ELMO1: variants seen among roughly 807,000 people sequenced by gnomAD.
The protein encoded by ELMO1 is engulfment and cell motility 1, also known as engulfment and cell motility protein 1.
ELMO1 carries 26 observed loss-of-function variants against 98.9 expected under a neutral mutation model. The ratio of observed to expected loss-of-function variants is 0.26; its 90% CI spans 0.19 to 0.36. ELMO1 has a LOEUF of 0.36. Ranked by LOEUF, ELMO1 falls within the 10% of genes least tolerant of loss-of-function variation. The pLI is 1.00. For missense variants in ELMO1, 627 were observed against 935.2 expected (o/e 0.67, Z 4.30); for synonymous variants, 346 against 346.0 (o/e 1.00, Z 0.00).
intron 15 of ELMO1, among the ~76,000 whole-genome samples, chr7:37,022,341 A>C (rs1034770319): frequency 5.3e-5 from 8 of 152,238 alleles, no homozygotes; most frequent in Non-Finnish European, 1.0e-4. Flanking sequence ...TCTAATAAAG[A>C]ACTGGTATCT....
intron 16 of ELMO1, among the ~76,000 whole-genome samples, chr7:36,913,247 C>T (rs1378138930): frequency 6.6e-6 from 1 of 152,152 alleles, no homozygotes; most frequent in Non-Finnish European, 1.5e-5. Context: ...TACTAAATAA[C>T]AGAAAACTTT....
chr7:37,443,189 T>A (rs963773903), intron 1 of ELMO1, among the ~76,000 whole-genome samples: 15 of 152,288 alleles, frequency 9.8e-5, no homozygotes, highest in Non-Finnish European at 1.9e-4. Context: ...CCATTCCCTA[T>A]CCAGAGTACA....
At chr7:37,383,711 C>T (rs1466840871) in intron 1 of ELMO1, among the ~76,000 whole-genome samples, 1 of 152,048 alleles carries the variant, frequency 6.6e-6, no homozygotes, top group Non-Finnish European at 1.5e-5. Flanking sequence ...CTTTTAATGT[C>T]GTAACTATGT....
At chr7:37,216,283 T>C (rs867104092) in intron 11 of ELMO1, among the ~76,000 whole-genome samples, 66 of 152,206 alleles carry the variant, frequency 4.3e-4, no homozygotes, top group Middle Eastern at 6.8e-3. Flanking sequence ...CCTGATATGT[T>C]TACAGCTAGC....
intron 17 of ELMO1, among the ~76,000 whole-genome samples, chr7:36,890,721 T>G (rs1054689665): frequency 1.3e-5 from 2 of 152,190 alleles, no homozygotes; most frequent in Non-Finnish European, 2.9e-5. Flanking sequence ...TCCAAAAACT[T>G]GCTTTCTTAG....
intron 2 of ELMO1, among the ~76,000 whole-genome samples, chr7:37,319,351 T>C (rs1235865828): frequency 6.6e-6 from 1 of 152,202 alleles, no homozygotes; most frequent in Admixed American, 6.5e-5. Flanking sequence ...ACTCTTCAGA[T>C]ATAAGGTGCT....
At chr7:37,014,629 C>T (rs904964402) in intron 15 of ELMO1, among the ~76,000 whole-genome samples, 1 of 152,040 alleles carries the variant, frequency 6.6e-6, no homozygotes, top group African/African-American at 2.4e-5. Flanking sequence ...CCCCCAGTCC[C>T]CCCACTCCCC....
intron 16 of ELMO1, among the ~76,000 whole-genome samples, chr7:36,952,827 G>A (rs959583407): frequency 6.6e-6 from 1 of 152,116 alleles, no homozygotes; most frequent in South Asian, 2.1e-4. Context: ...GAGGAAGAGA[G>A]CAGTATCATC....
rs1441454349 is a variant in ELMO1, at chr7:36,870,947, G to A, written c.1823-472C>T. Among the ~76,000 whole-genome samples the A allele has an allele frequency of 6.6e-6, 1 of 152,182 alleles. No individual in the cohort carries two copies. Among genetic ancestry groups the A allele is most frequent in the Non-Finnish European group, 1.5e-5 (1 of 68,038 alleles). ...TTAGTTTCTGAGTTTTTGGATGAGA[G>A]AAAGCAGCCCTATCTCAAAAAATTT... On this transcript the variant is annotated intron_variant, in intron 19 of 21. Coordinates refer to ENST00000310758, the MANE Select transcript of ELMO1 (RefSeq NM_014800.11). This position sits in a 1 kb window ranked among gnomAD's most constrained non-coding sequence, Gnocchi z 4.4.
chr7:37,075,922 G>A (rs985466493), intron 15 of ELMO1, among the ~76,000 whole-genome samples: 18 of 152,196 alleles, frequency 1.2e-4, no homozygotes, highest in African/African-American at 4.3e-4. Flanking sequence ...AACAGACAAT[G>A]CTCTGTTGAG....
intron 15 of ELMO1, among the ~76,000 whole-genome samples, chr7:37,067,784 G>T (rs143579930): frequency 2.0e-5 from 3 of 150,562 alleles, no homozygotes; most frequent in Non-Finnish European, 4.4e-5. Context: ...CACCATAAAG[G>T]TTTAAAAAAA....
intron 15 of ELMO1, chr7:37,033,401 G>A (rs1794987885): frequency 2.2e-6 from 1 of 455,546 alleles, no homozygotes; most frequent in South Asian, 1.6e-5. Flanking sequence ...AATTTTTCAG[G>A]AGATAAGTGA....
At chr7:37,156,179 G>T (rs1414338159) in intron 13 of ELMO1, among the ~76,000 whole-genome samples, 1 of 152,164 alleles carries the variant, frequency 6.6e-6, no homozygotes, top group Non-Finnish European at 1.5e-5. Flanking sequence ...AAAGCAGTGT[G>T]TAGAAGGAAA....
chr7:37,358,346 A>G (rs1253385410), intron 1 of ELMO1, among the ~76,000 whole-genome samples: 1 of 152,212 alleles, frequency 6.6e-6, no homozygotes, highest in Non-Finnish European at 1.5e-5. Context: ...CCACTTTGAC[A>G]AGGACTCTAT....
rs1387519071 is a variant in ELMO1 at position 37,342,568 on chromosome 7, G to A, written c.78+45C>T. The A allele has an allele frequency of 6.3e-7, 1 of 1,578,470 alleles. No individual in the cohort carries two copies. Among genetic ancestry groups the A allele is most frequent in the Non-Finnish European group, 8.7e-7 (1 of 1,147,498 alleles). On this transcript the variant is annotated intron_variant, in intron 2 of 21. Coordinates refer to ENST00000310758, the MANE Select transcript of ELMO1 (RefSeq NM_014800.11). The surrounding 1 kb of genome is among the most constrained non-coding windows in gnomAD (Gnocchi z 4.3). ...CAAAGTCTATGAAAATTCCAGTATAGAAAGGAAACTGAAAATAGACACCCA... is the reference window on the plus strand; with the variant it reads ...CAAAGTCTATGAAAATTCCAGTATAAAAAGGAAACTGAAAATAGACACCCA...
chr7:36,980,591 AT>A (rs1304951909), intron 16 of ELMO1, among the ~76,000 whole-genome samples: 1 of 152,246 alleles, frequency 6.6e-6, no homozygotes, highest in Admixed American at 6.5e-5. Flanking sequence ...TCATCATCAT[AT>A]GAATAATTTT....
chr7:37,251,572 T>G (rs1362756392), intron 6 of ELMO1, among the ~76,000 whole-genome samples: 1 of 152,052 alleles, frequency 6.6e-6, no homozygotes, highest in Non-Finnish European at 1.5e-5. Flanking sequence ...CCTTCACTTA[T>G]GAAGATCTCA....
In ELMO1 at chr7:37,401,763, G is replaced by T. The variant is rs114749493; in HGVS notation, c.-74+46912C>A. ...TCAATTACCTCCTAGTAGGTCCCTC[G>T]CATGACATGTGGGGATTATAGGAAC... On this transcript the variant is annotated intron_variant, in intron 1 of 21. Coordinates refer to ENST00000310758, the MANE Select transcript of ELMO1 (RefSeq NM_014800.11). Among the ~76,000 whole-genome samples, 1,258 of 152,170 alleles carry T rather than the reference G, an allele frequency of 8.3e-3. 25 individuals carry two copies. Among genetic ancestry groups the T allele is most frequent in the African/African-American group, 0.029 (1,191 of 41,514 alleles).
chr7:37,151,567 C>T (rs536970461), intron 13 of ELMO1, among the ~76,000 whole-genome samples: 1 of 152,048 alleles, frequency 6.6e-6, no homozygotes, highest in African/African-American at 2.4e-5. Context: ...TTTTGACGTA[C>T]AAAAATGTAA....
Sources: gnomAD v4.1 joint callset for allele counts (sites outside exome capture counted in the v4.1 genomes callset) on GRCh38, gnomAD v4.1.1 for gene constraint, Gnocchi (gnomAD v3.1) non-coding constraint, MANE v1.5 for transcripts, NCBI Gene and HGNC (gene_info 2026-07-23, HGNC 2026-07-21) for gene names.